Variants in MARCHF11 observed in about 807,000 individuals in gnomAD.
MARCHF11 encodes the protein E3 ubiquitin-protein ligase MARCHF11.
A neutral mutation model predicts 37.3 loss-of-function variants in MARCHF11; 29 were observed. That is an observed-to-expected ratio of 0.78 (90% CI 0.58 to 1.06). MARCHF11 has a LOEUF of 1.06. MARCHF11 is among the 50% of genes least tolerant of loss of function. MARCHF11 has a pLI of 0.00. For synonymous variants in MARCHF11, 233 were observed against 228.0 expected, an observed-to-expected ratio of 1.02 and a Z score of -0.20; for missense variants, 482 against 533.4, an observed-to-expected ratio of 0.90 and a Z score of 0.95.
chr5:16,177,501 A>G (rs1738381946), intron 2 of MARCHF11, among the ~76,000 whole-genome samples: 1 of 152,234 alleles, frequency 6.6e-6, no homozygotes, highest in African/African-American at 2.4e-5. Context: ...TAAGTAAAAA[A>G]TTAATAAAGG....
intron 2 of MARCHF11, among the ~76,000 whole-genome samples, chr5:16,132,255 A>G (rs1737529366): frequency 6.6e-6 from 1 of 152,250 alleles, no homozygotes; most frequent in Admixed American, 6.5e-5. Context: ...GCTGAGAAGG[A>G]GAAGGGACAC....
At chr5:16,134,563 A>G (rs1287539380) in intron 2 of MARCHF11, among the ~76,000 whole-genome samples, 1 of 152,218 alleles carries the variant, frequency 6.6e-6, no homozygotes, top group African/African-American at 2.4e-5. Context: ...TAATGCCTGC[A>G]TTATATAGCT....
intron 2 of MARCHF11, among the ~76,000 whole-genome samples, chr5:16,134,625 A>T (rs543415937): frequency 6.6e-6 from 1 of 152,304 alleles, no homozygotes; most frequent in Non-Finnish European, 1.5e-5. Context: ...CACCAAAAAA[A>T]TTATCATGTT....
intron 3 of MARCHF11, among the ~76,000 whole-genome samples, chr5:16,075,148 G>A (rs1415151255): frequency 1.3e-5 from 2 of 152,166 alleles, no homozygotes; most frequent in Non-Finnish European, 2.9e-5. Flanking sequence ...CCCTGTTTTA[G>A]TTAATGACCA....
At chr5:16,084,154 T>A (rs1324047183) in intron 3 of MARCHF11, among the ~76,000 whole-genome samples, 1 of 152,208 alleles carries the variant, frequency 6.6e-6, no homozygotes, top group African/African-American at 2.4e-5. Context: ...AAAATGTAAA[T>A]ATATGTCCAA....
At chr5:16,126,542 TGCCCTGCATA>T (rs1337529414) in intron 2 of MARCHF11, among the ~76,000 whole-genome samples, 5 of 152,246 alleles carry the variant, frequency 3.3e-5, no homozygotes, top group African/African-American at 1.2e-4. Context: ...TACTTCTTTA[TGCCCTGCATA>T]GACATTTTAT....
At chr5:16,165,078 C>T (rs1030223156) in intron 2 of MARCHF11, among the ~76,000 whole-genome samples, 1 of 152,064 alleles carries the variant, frequency 6.6e-6, no homozygotes, top group African/African-American at 2.4e-5. Flanking sequence ...CACTCAGTCC[C>T]TTCCCTGCTT....
chr5:16,119,120 T>G (rs1367742009), intron 2 of MARCHF11, among the ~76,000 whole-genome samples: 1 of 152,036 alleles, frequency 6.6e-6, no homozygotes, highest in African/African-American at 2.4e-5. Context: ...CCCAGCACTT[T>G]GGGAGGCCGA....
chr5:16,156,408 A>C (rs1350989809), intron 2 of MARCHF11, among the ~76,000 whole-genome samples: 2 of 152,058 alleles, frequency 1.3e-5, no homozygotes, highest in Middle Eastern at 3.4e-3. Context: ...TGTCTTCAAA[A>C]TACAAACTAT....
intron 3 of MARCHF11, among the ~76,000 whole-genome samples, chr5:16,068,415 C>T (rs544168449): frequency 1.2e-4 from 18 of 152,252 alleles, no homozygotes; most frequent in African/African-American, 3.6e-4. Context: ...CTAGCACTTA[C>T]CCCGTTTGGC....
rs144414340 is a variant in MARCHF11 at position 16,107,010 on chromosome 5, C to T, written c.694-15929G>A. On this transcript the variant is annotated intron_variant, in intron 2 of 3. Coordinates refer to ENST00000332432, the MANE Select transcript of MARCHF11 (RefSeq NM_001102562.3). ...ATGGAAATGGAAGAAACCACCTGCC[C>T]CATGAACGTCAGATGTGGCTGGGCC... 2.0e-4 allele frequency among the ~76,000 whole-genome samples: 31 copies of T among 152,312 alleles called. 1 individual carries two copies. Among genetic ancestry groups the T allele is most frequent in the African/African-American group, 7.5e-4 (31 of 41,562 alleles).
chr5:16,091,209 ATTTT>A, intron 2 of MARCHF11, 128 bp from the exon 3 acceptor site: 1 of 630,614 alleles, frequency 1.6e-6, no homozygotes, highest in Non-Finnish European at 2.5e-6. Context: ...CCCCAAATGA[ATTTT>A]TTCATTTCAT....
At chr5:16,113,567 A>G (rs150835879) in intron 2 of MARCHF11, among the ~76,000 whole-genome samples, 463 of 152,332 alleles carry the variant, frequency 3.0e-3, no homozygotes, top group Middle Eastern at 0.01. Context: ...TAATATTTGA[A>G]TAAGGCTATT....
At chr5:16,067,851 G>A in intron 3 of MARCHF11, 58 bp from the exon 4 acceptor site, 1 of 1,457,518 alleles carries the variant, frequency 6.9e-7, no homozygotes, top group Admixed American at 2.1e-5. Context: ...GGCTGGGAGT[G>A]TTATTTTGTA....
intron 2 of MARCHF11, among the ~76,000 whole-genome samples, 172 bp downstream of exon 2, chr5:16,177,554 T>A (rs1738382530): frequency 6.6e-6 from 1 of 152,228 alleles, no homozygotes; most frequent in Admixed American, 6.5e-5. Context: ...TCAGATAAAA[T>A]GTCATGGCTT....
At chr5:16,093,443 A>G (rs939313897) in intron 2 of MARCHF11, among the ~76,000 whole-genome samples, 1 of 152,122 alleles carries the variant, frequency 6.6e-6, no homozygotes, top group East Asian at 1.9e-4. Context: ...GCTAGGCCCT[A>G]CTGAATGCTT....
intron 2 of MARCHF11, among the ~76,000 whole-genome samples, chr5:16,100,378 A>T (rs910860946): frequency 6.6e-6 from 1 of 152,230 alleles, no homozygotes; most frequent in Non-Finnish European, 1.5e-5. Flanking sequence ...AAGGCCATGG[A>T]GGCAGCAAAA....
intron 2 of MARCHF11, among the ~76,000 whole-genome samples, chr5:16,142,753 G>A (rs1444102396): frequency 6.2e-5 from 9 of 145,356 alleles, no homozygotes; most frequent in Admixed American, 2.8e-4. Flanking sequence ...GTACAATGGC[G>A]TGATCTCGGC....
At chr5:16,104,085 C>A (rs1319820948) in intron 2 of MARCHF11, among the ~76,000 whole-genome samples, 1 of 152,150 alleles carries the variant, frequency 6.6e-6, no homozygotes, top group African/African-American at 2.4e-5. Context: ...GGCCAAAGTT[C>A]AGAAAACCAG....
Sources: allele counts gnomAD v4.1 joint callset (sites outside exome capture counted in the v4.1 genomes callset), GRCh38; gene constraint gnomAD v4.1.1; transcripts MANE v1.5; gene names NCBI Gene and HGNC (gene_info 2026-07-23, HGNC 2026-07-21).